Variants in EIF4E observed in about 807,000 individuals in gnomAD.
The protein encoded by EIF4E is eIF-4F 25 kDa subunit.
For missense variants in EIF4E, 113 were observed against 265.6 expected (o/e 0.43, Z 3.99); for synonymous variants, 71 against 88.5 (o/e 0.80, Z 1.11).
intron 1 of EIF4E, among the ~76,000 whole-genome samples, chr4:98,922,353 C>T (rs113847522): frequency 0.033 from 4,957 of 152,058 alleles, 129 homozygotes; most frequent in African/African-American, 0.067. Context: ...GTCAGGAGTT[C>T]GAGACCAGCC....
chr4:98,904,638 GCA>G (rs1724789821), intron 1 of EIF4E, among the ~76,000 whole-genome samples: 1 of 152,148 alleles, frequency 6.6e-6, no homozygotes, highest in Non-Finnish European at 1.5e-5. Context: ...GGGCGTGGTA[GCA>G]CGCGCCTGTA....
intron 1 of EIF4E, 143 bp downstream of exon 1, chr4:98,928,952 G>A: frequency 6.3e-7 from 1 of 1,578,530 alleles, no homozygotes. Context: ...CCACTTGTCC[G>A]CGGGAGGTCA....
intron 1 of EIF4E, among the ~76,000 whole-genome samples, chr4:98,924,994 T>C (rs1275848598): frequency 3.9e-5 from 6 of 152,246 alleles, no homozygotes; most frequent in Non-Finnish European, 7.3e-5. Flanking sequence ...GGTTCTTTCA[T>C]TAAGCAAAAA....
intron 6 of EIF4E, among the ~76,000 whole-genome samples, chr4:98,883,390 CA>C (rs1560632463): frequency 3.7e-4 from 46 of 125,668 alleles, no homozygotes; most frequent in Non-Finnish European, 5.0e-4. Flanking sequence ...AATTGTAAGT[CA>C]AATTTTTTTT....
At chr4:98,918,648 A>T (rs151321464) in intron 1 of EIF4E, among the ~76,000 whole-genome samples, 3,234 of 152,262 alleles carry the variant, frequency 0.021, 56 homozygotes, top group Non-Finnish European at 0.034. Flanking sequence ...GAAATAGCAA[A>T]TGGTTGGAAA....
At chr4:98,905,139 T>G (rs1018075383) in intron 1 of EIF4E, among the ~76,000 whole-genome samples, 2 of 151,728 alleles carry the variant, frequency 1.3e-5, no homozygotes, top group Non-Finnish European at 2.9e-5. Flanking sequence ...CATATTCCTC[T>G]CTCTACTCTC....
chr4:98,889,746 T>C (rs1453169226), intron 3 of EIF4E, among the ~76,000 whole-genome samples: 1 of 152,192 alleles, frequency 6.6e-6, no homozygotes, highest in Non-Finnish European at 1.5e-5. Flanking sequence ...TGTAAACTGG[T>C]AAAAGCCAAA....
At chr4:98,904,453 T>C (rs1475510609) in intron 1 of EIF4E, among the ~76,000 whole-genome samples, 1 of 98,574 alleles carries the variant, frequency 1.0e-5, no homozygotes, top group Admixed American at 8.9e-5. Flanking sequence ...TGTAAGTAAC[T>C]GATTACTATA....
chr4:98,903,861 T>C (rs985044780), intron 1 of EIF4E, among the ~76,000 whole-genome samples: 3 of 152,220 alleles, frequency 2.0e-5, no homozygotes, highest in African/African-American at 7.2e-5. Context: ...CCAGTAAATT[T>C]AAGTGTTCAA....
intron 2 of EIF4E, among the ~76,000 whole-genome samples, chr4:98,896,856 G>C (rs746183708): frequency 6.6e-6 from 1 of 152,026 alleles, no homozygotes; most frequent in Non-Finnish European, 1.5e-5. Flanking sequence ...TGGGGCCCCA[G>C]CTGGGGTGGA....
At chr4:98,917,655 G>A (rs1725442464) in intron 1 of EIF4E, among the ~76,000 whole-genome samples, 1 of 152,154 alleles carries the variant, frequency 6.6e-6, no homozygotes, top group South Asian at 2.1e-4. Flanking sequence ...GGGAATGCTT[G>A]ACTCAAAAGT....
At chr4:98,914,181 C>A (rs1300074220) in intron 1 of EIF4E, among the ~76,000 whole-genome samples, 3 of 151,218 alleles carry the variant, frequency 2.0e-5, no homozygotes, top group Admixed American at 2.0e-4. Flanking sequence ...CATGGTGAAA[C>A]CTCGTCTCTA....
intron 2 of EIF4E, 113 bp downstream of exon 2, chr4:98,901,763 C>T: frequency 4.0e-6 from 4 of 1,006,616 alleles, no homozygotes; most frequent in Non-Finnish European, 6.3e-6. Flanking sequence ...ATAGAACCCT[C>T]AACCTTAGCA....
At chr4:98,902,134 T>A in intron 1 of EIF4E, 152 bp from the exon 2 acceptor site, 1 of 634,240 alleles carries the variant, frequency 1.6e-6, no homozygotes, top group Non-Finnish European at 2.7e-6. Flanking sequence ...AGTCGTGCGA[T>A]CTTGGCTCAC....
rs759913560 is a variant in EIF4E, at chr4:98,881,022, G to A, written c.*6C>T. ...TCTCCTATGAGAATACTCAGAAGGT[G>A]TCTTCTTAAACAACAAACCTATTTT... On this transcript the variant is annotated 3_prime_UTR_variant, in exon 7 of 7. Coordinates refer to ENST00000450253, the MANE Select transcript of EIF4E (RefSeq NM_001968.5). 2.5e-6 allele frequency: 4 copies of A among 1,607,602 alleles called. No homozygotes were observed. Among genetic ancestry groups the A allele is most frequent in the Non-Finnish European group, 2.5e-6 (3 of 1,177,436 alleles).
intron 1 of EIF4E, among the ~76,000 whole-genome samples, chr4:98,906,605 G>C (rs1456257813): frequency 6.6e-6 from 1 of 152,182 alleles, no homozygotes; most frequent in African/African-American, 2.4e-5. Context: ...TTGAGCCCAG[G>C]AGGCCAAAAT....
chr4:98,915,029 G>A (rs1443123365), intron 1 of EIF4E, among the ~76,000 whole-genome samples: 3 of 152,048 alleles, frequency 2.0e-5, no homozygotes. Flanking sequence ...CTGAAGTCTC[G>A]ACCTCCAGGG....
At chr4:98,896,265 T>TGGAGGCCACAG (rs1448814802) in intron 2 of EIF4E, among the ~76,000 whole-genome samples, 6 of 145,628 alleles carry the variant, frequency 4.1e-5, no homozygotes, top group Admixed American at 6.7e-5. Context: ...CCTGCCACTC[T>TGGAGGCCACAG]GGAGGCCAAG....
intron 2 of EIF4E, among the ~76,000 whole-genome samples, chr4:98,900,033 C>T (rs1422688160): frequency 1.3e-5 from 2 of 149,954 alleles, no homozygotes; most frequent in Non-Finnish European, 3.0e-5. Flanking sequence ...CTTAAGAATC[C>T]CTTCTTAGAC....
Sources: gnomAD v4.1 joint callset for allele counts (sites outside exome capture counted in the v4.1 genomes callset) on GRCh38, gnomAD v4.1.1 for gene constraint, MANE v1.5 for transcripts, NCBI Gene and HGNC (gene_info 2026-07-23, HGNC 2026-07-21) for gene names.